SASH1: variants seen among roughly 807,000 people sequenced by gnomAD.
The protein encoded by SASH1 is SAM and SH3 domain containing 1.
SASH1 carries 44 observed loss-of-function variants against 125.2 expected under a neutral mutation model. The ratio of observed to expected loss-of-function variants is 0.35; its 90% CI spans 0.28 to 0.45. The LOEUF is 0.45. Ranked by LOEUF, SASH1 falls within the 20% of genes least tolerant of loss-of-function variation. The probability of loss-of-function intolerance (pLI) is 1.00; values close to 1 mark genes in which losing one functional copy is unlikely to be tolerated. For missense variants in SASH1, 1,426 were observed against 1,614.5 expected, an observed-to-expected ratio of 0.88 and a Z score of 2.00; for synonymous variants, 639 against 649.1, an observed-to-expected ratio of 0.98 and a Z score of 0.24.
the SASH1 span, among the ~76,000 whole-genome samples, chr6:148,214,373 C>T: frequency 2.6e-5 from 4 of 152,140 alleles, no homozygotes; most frequent in Non-Finnish European, 5.9e-5. Flanking sequence ...GGTTCTTGAA[C>T]TCTGTAGTTA....
At position 148,331,898 on chromosome 6, in the gene SASH1, G is replaced by T. The variant is rs375869108; in HGVS notation, n.75-58236G>T. Reference sequence around the variant, plus strand: ...GGGACCTCACTTTGTTGCCCAGGCTGGTCTGGAACTCCCAGGCTCAAGTGA... The same window carrying T: ...GGGACCTCACTTTGTTGCCCAGGCTTGTCTGGAACTCCCAGGCTCAAGTGA... On this transcript the variant is annotated intron_variant and non_coding_transcript_variant, in intron 1 of 3. Transcript: ENST00000367469. 7.9e-5 allele frequency among the ~76,000 whole-genome samples: 12 copies of T among 151,332 alleles called. No homozygotes were observed. The East Asian group carries it at 1.6e-3, about 20-fold the overall frequency.
Position 148,543,759 on chromosome 6 carries a change from G to A in SASH1, c.2289G>A (p.Leu763=). ...PSLKSFSRNQ[L]GNYPTLPLMK... The stretch of plus-strand genomic sequence containing the variant: ...TGAAGTCTTTTAGCAGAAACCAGTT[G>A]GGCAATTACCCAACATTGCCTTTAA... Residue 763 remains leucine (L), a synonymous_variant, in exon 18 of 20, where the codon TTG becomes TTA. Transcript: ENST00000367467. The A allele has an allele frequency of 6.2e-7, 1 of 1,611,084 alleles. No homozygotes were observed. The highest frequency in any genetic ancestry group is 8.5e-7 in the Non-Finnish European group (1 of 1,178,132).
chr6:148,419,464 T>A (rs1282162661), intron 2 of SASH1, among the ~76,000 whole-genome samples: 1 of 152,184 alleles, frequency 6.6e-6, no homozygotes, highest in African/African-American at 2.4e-5. Context: ...AAAAAACAGA[T>A]CTGATGGTAC....
At chr6:148,226,959 G>A in the SASH1 span, among the ~76,000 whole-genome samples, 1 of 152,160 alleles carries the variant, frequency 6.6e-6, no homozygotes, top group Non-Finnish European at 1.5e-5. Flanking sequence ...CATTGGGGGT[G>A]GGGAAGTAGT....
Position 148,523,576 on chromosome 6 carries a change from T to G in SASH1, c.1210-1715T>G, listed in dbSNP as rs554524798. 2.7e-5 allele frequency among the ~76,000 whole-genome samples: 4 copies of G among 150,524 alleles called. No homozygotes were observed. The East Asian group carries it at 5.8e-4, about 22-fold the overall frequency. On this transcript the variant is annotated intron_variant, in intron 10 of 19. Coordinates refer to ENST00000367467, the MANE Select transcript of SASH1 (RefSeq NM_015278.5). Reference sequence around the variant, plus strand: ...GGTAGTAGCAGCAGCAGCAGCAGCATCGGTGAATAAGAACAGCTCTGAGAC... The same window carrying G: ...GGTAGTAGCAGCAGCAGCAGCAGCAGCGGTGAATAAGAACAGCTCTGAGAC...
At chr6:148,356,352 T>C (rs1562346543) in intron 1 of SASH1, among the ~76,000 whole-genome samples, 1 of 152,028 alleles carries the variant, frequency 6.6e-6, no homozygotes, top group Non-Finnish European at 1.5e-5. Flanking sequence ...CCCAAAGTGC[T>C]GGGATTACAG....
intron 4 of SASH1, among the ~76,000 whole-genome samples, chr6:148,445,951 A>G (rs1162399470): frequency 6.6e-6 from 1 of 152,162 alleles, no homozygotes; most frequent in African/African-American, 2.4e-5. Context: ...TTACATATTT[A>G]AAGTCATGGT....
intron 7 of SASH1, among the ~76,000 whole-genome samples, chr6:148,476,208 C>T (rs1778335599): frequency 6.9e-6 from 1 of 145,854 alleles, no homozygotes; most frequent in Non-Finnish European, 1.5e-5. Flanking sequence ...TAAGAATAAA[C>T]TCAACCAAAG....
chr6:148,544,148 T>G lies in SASH1; in HGVS notation c.2678T>G (p.Leu893Arg). The change falls in exon 18 of 20, where the codon CTA (leucine) becomes CGA (arginine). Residue 893 changes from leucine (L) to arginine (R), a missense_variant. Transcript: ENST00000367467. The surrounding 1 kb of genome is among the most constrained non-coding windows in gnomAD (Gnocchi z 6.4). ...GACTCTGCTGTCGACAATGCATTGC[T>G]ACTGACCCAAAGCAAGAGATTTTCT... is the stretch of plus-strand genomic sequence containing the variant. ...EQDSAVDNAL[L>R]LTQSKRFSEP... 1 of 1,614,120 alleles carries G rather than the reference T, an allele frequency of 6.2e-7. No homozygotes were observed. The highest frequency in any genetic ancestry group is 1.7e-5 in the Admixed American group (1 of 60,022).
intron 1 of SASH1, among the ~76,000 whole-genome samples, chr6:148,315,352 A>G (rs1780452871): frequency 6.6e-6 from 1 of 152,140 alleles, no homozygotes; most frequent in African/African-American, 2.4e-5. Flanking sequence ...ACACTATGTC[A>G]GAGACTCTGT....
At chr6:148,535,032 C>CAGTA (rs1781758523) in intron 16 of SASH1, 131 bp downstream of exon 16, 4 of 1,087,734 alleles carry the variant, frequency 3.7e-6, no homozygotes, top group South Asian at 1.5e-5. Flanking sequence ...AAGAGTATGA[C>CAGTA]AGTAAGTCCC....
chr6:148,438,844 G>T (rs374021814), intron 2 of SASH1, among the ~76,000 whole-genome samples: 1 of 151,058 alleles, frequency 6.6e-6, no homozygotes. Flanking sequence ...CATGCACATT[G>T]TTGAGCAACA....
At position 148,551,460 on chromosome 6, in the gene SASH1, A is replaced by C. The variant is rs1043172122; in HGVS notation, c.*2902A>C. 5 of 152,486 alleles carry C rather than the reference A, an allele frequency of 3.3e-5. No homozygotes were observed. Among genetic ancestry groups the C allele is most frequent in the Non-Finnish European group, 5.9e-5 (4 of 68,044 alleles). The allele number at this position is 152,486 out of a possible 1,614,324, so 9.4% of individuals were successfully genotyped here. The stretch of plus-strand genomic sequence containing the variant: ...CAGTCAGCTCCAGCTAGTACTATTT[A>C]TGTACCCAGATAACTAAGATATTGT... On this transcript the variant is annotated 3_prime_UTR_variant, in exon 20 of 20. Coordinates refer to ENST00000367467, the MANE Select transcript of SASH1 (RefSeq NM_015278.5).
intron 1 of SASH1, among the ~76,000 whole-genome samples, chr6:148,377,031 G>A (rs1199992761): frequency 4.7e-5 from 7 of 148,926 alleles, no homozygotes; most frequent in East Asian, 3.9e-4. Context: ...TTAGCCGGGC[G>A]TAGTGGCGGG....
At chr6:148,374,878 G>T (rs746495809) in intron 1 of SASH1, among the ~76,000 whole-genome samples, 2 of 152,166 alleles carry the variant, frequency 1.3e-5, no homozygotes, top group Non-Finnish European at 2.9e-5. Flanking sequence ...TGTATTTTTA[G>T]TAGAGACGGG....
chr6:148,256,682 G>A, the SASH1 span, among the ~76,000 whole-genome samples: 1 of 152,094 alleles, frequency 6.6e-6, no homozygotes, highest in African/African-American at 2.4e-5. Flanking sequence ...TGAGTTCCTT[G>A]GGATCCAAAA....
intron 2 of SASH1, among the ~76,000 whole-genome samples, chr6:148,417,087 T>TGG (rs1784849995): frequency 6.6e-6 from 1 of 152,160 alleles, no homozygotes; most frequent in African/African-American, 2.4e-5. Context: ...TGAACATGGA[T>TGG]GGGGTGGAAC....
intron 16 of SASH1, among the ~76,000 whole-genome samples, chr6:148,538,765 T>TATTG (rs1452568915): frequency 6.6e-6 from 1 of 152,210 alleles, no homozygotes; most frequent in Non-Finnish European, 1.5e-5. Context: ...ATTTCTGGCT[T>TATTG]ATTGATTTCT....
intron 1 of SASH1, among the ~76,000 whole-genome samples, chr6:148,345,618 G>T (rs1781495559): frequency 1.3e-5 from 2 of 152,176 alleles, no homozygotes; most frequent in Admixed American, 6.5e-5. Context: ...TGTCATCCAA[G>T]TGTTTATACA....
Sources: allele counts gnomAD v4.1 joint callset (sites outside exome capture counted in the v4.1 genomes callset), GRCh38; gene constraint gnomAD v4.1.1; non-coding constraint Gnocchi (gnomAD v3.1); transcripts MANE v1.5; gene names NCBI Gene and HGNC (gene_info 2026-07-23, HGNC 2026-07-21).